The following FAT3 variants were observed in gnomAD, a reference collection of about 807,000 sequenced individuals.
FAT3 encodes the protein protocadherin Fat 3.
FAT3 carries 95 observed loss-of-function variants against 310.2 expected under a neutral mutation model. The observed-to-expected ratio is 0.31, with a 90% CI of 0.26 to 0.36. FAT3 has a LOEUF of 0.36. Ranked by LOEUF, FAT3 falls within the 10% of genes least tolerant of loss-of-function variation. FAT3 has a pLI of 1.00. For missense variants in FAT3, 5,408 were observed against 5,715.6 expected (o/e 0.95, Z 1.74); for synonymous variants, 2,314 against 2,192.9 (o/e 1.06, Z -1.54).
chr11:92,626,584 C>G (rs1426218528), intron 3 of FAT3, among the ~76,000 whole-genome samples: 7 of 151,762 alleles, frequency 4.6e-5, no homozygotes, highest in African/African-American at 1.2e-4. Flanking sequence ...TTTCGGGGGG[C>G]ACTTATTGTG....
chr11:92,805,038 A>G, intron 10 of FAT3, 115 bp from the exon 11 acceptor site: 1 of 971,560 alleles, frequency 1.0e-6, no homozygotes, highest in South Asian at 2.4e-5. Flanking sequence ...GTAGTATCCT[A>G]AATGATACAG....
chr11:92,304,145 C>T (rs1423197711), intron 1 of FAT3, among the ~76,000 whole-genome samples: 1 of 152,054 alleles, frequency 6.6e-6, no homozygotes, highest in Non-Finnish European at 1.5e-5. Flanking sequence ...AGGAGTGTGC[C>T]TCAGTACACC....
chr11:92,641,264 A>C (rs1251389093), intron 3 of FAT3, among the ~76,000 whole-genome samples: 2 of 152,242 alleles, frequency 1.3e-5, no homozygotes, highest in Admixed American at 6.5e-5. Context: ...CTCCCCAGAT[A>C]CATAATATGT....
chr11:92,632,251 G>A (rs1165128448), intron 3 of FAT3, among the ~76,000 whole-genome samples: 1 of 152,174 alleles, frequency 6.6e-6, no homozygotes, highest in African/African-American at 2.4e-5. Flanking sequence ...ATGAGGACTA[G>A]GCACAGTATG....
intron 1 of FAT3, among the ~76,000 whole-genome samples, chr11:92,236,020 A>G (rs558994616): frequency 6.6e-6 from 1 of 152,374 alleles, no homozygotes; most frequent in East Asian, 1.9e-4. Context: ...TTGTGTCTCA[A>G]GAAAGCATAG....
In FAT3 at chr11:92,857,346, C is replaced by G; in HGVS notation, c.11498C>G (p.Ser3833Ter). Residue 3833 changes from serine (S) to a stop codon, truncating the protein, a stop_gained and splice_region_variant, in exon 20 of 28, where the codon TCA (serine) becomes TGA (stop). Coordinates refer to ENST00000525166, the MANE Select transcript of FAT3 (RefSeq NM_001367949.2). LOFTEE classifies it high-confidence loss of function. ...CCACCAGGGAAGCTCGGAGAGTGCT[C>G]AGGTGCAGAGTGGAGTGGAATGATG... ...QCPPGKLGEC[S>*]GHTSLSFAGN... 6.2e-7 allele frequency: 1 copy of G among 1,613,948 alleles called. No homozygotes were observed. The highest frequency in any genetic ancestry group is 2.2e-5 in the East Asian group (1 of 44,874).
chr11:92,584,895 G>A (rs1038732384), intron 3 of FAT3, among the ~76,000 whole-genome samples: 1 of 152,006 alleles, frequency 6.6e-6, no homozygotes, highest in Non-Finnish European at 1.5e-5. Flanking sequence ...CTGGAGGGCA[G>A]TATTTTGCCT....
chr11:92,474,639 C>T (rs967595212), intron 2 of FAT3, among the ~76,000 whole-genome samples: 1 of 152,112 alleles, frequency 6.6e-6, no homozygotes. Flanking sequence ...TCCAGGAGCT[C>T]AGAGCCTGGG....
In FAT3 at chr11:92,305,180, T is replaced by G. The variant is rs2134436502; in HGVS notation, c.-17-46916T>G. ...CAGCAGAAGGTTGAAAGGGAAGACC[T>G]TGGAGTTTTCACATTCTCAAAAAAT... On this transcript the variant is annotated intron_variant, in intron 1 of 27. Transcript: ENST00000525166. 1.3e-5 allele frequency among the ~76,000 whole-genome samples: 2 copies of G among 152,208 alleles called. 1 individual carries two copies. The highest frequency in any genetic ancestry group is 4.1e-4 in the South Asian group (2 of 4,828).
chr11:92,857,360 A>G lies in FAT3; in HGVS notation c.11500+12A>G, dbSNP rs777408290. The G allele has an allele frequency of 6.2e-7, 1 of 1,613,862 alleles. No homozygotes were observed. Among genetic ancestry groups the G allele is most frequent in the Non-Finnish European group, 8.5e-7 (1 of 1,179,846 alleles). On this transcript the variant is annotated intron_variant, in intron 20 of 27. Transcript: ENST00000525166. ...CGGAGAGTGCTCAGGTGCAGAGTGG[A>G]GTGGAATGATGCAGATCTAATTTCA...
intron 13 of FAT3, among the ~76,000 whole-genome samples, chr11:92,810,655 TG>T (rs1199351039): frequency 2.0e-5 from 3 of 151,926 alleles, no homozygotes; most frequent in Admixed American, 2.0e-4. Context: ...AGAGTGGGGG[TG>T]GGGGAGATAA....
In FAT3 at chr11:92,435,822, C is replaced by T. The variant is rs566137110; in HGVS notation, c.3292+80418C>T. On this transcript the variant is annotated intron_variant, in intron 2 of 27. Transcript: ENST00000525166. ...CCTCAGGTGATCCACCTGCCTCGGCCTCCCAAAGTGCTGGGATTTCAGGTG... is the reference window on the plus strand; with the variant it reads ...CCTCAGGTGATCCACCTGCCTCGGCTTCCCAAAGTGCTGGGATTTCAGGTG... Among the ~76,000 whole-genome samples the T allele has an allele frequency of 1.8e-4, 28 of 152,186 alleles. No individual in the cohort carries two copies. The Middle Eastern group carries it at 0.014, about 74-fold the overall frequency.
At position 92,844,434 on chromosome 11, in the gene FAT3, C is replaced by A; in HGVS notation, c.11067C>A (p.Ser3689Arg). The A allele has an allele frequency of 6.2e-7, 1 of 1,614,002 alleles. No individual in the cohort carries two copies. Among genetic ancestry groups the A allele is most frequent in the Non-Finnish European group, 8.5e-7 (1 of 1,179,894 alleles). The change falls in exon 19 of 28, where the codon AGC (serine) becomes AGA (arginine). Residue 3689 changes from serine to arginine, a missense_variant. Coordinates refer to ENST00000525166, the MANE Select transcript of FAT3 (RefSeq NM_001367949.2). ...TQKQDSLRIISIQPVAGTNQL... is the reference protein window; with the variant it reads ...TQKQDSLRIIRIQPVAGTNQL... ...AGCAGGACAGCCTGCGCATCATCAG[C>A]ATCCAGCCCGTGGCAGGCACCAACC...
At chr11:92,794,795 A>T (rs1045804724) in intron 9 of FAT3, among the ~76,000 whole-genome samples, 12 of 152,332 alleles carry the variant, frequency 7.9e-5, no homozygotes, top group African/African-American at 2.6e-4. Flanking sequence ...TACAATGTTC[A>T]CAATAAATCT....
intron 17 of FAT3, among the ~76,000 whole-genome samples, chr11:92,839,649 C>G (rs1948488589): frequency 6.6e-6 from 1 of 152,188 alleles, no homozygotes; most frequent in Admixed American, 6.5e-5. Context: ...GTCTCCATCT[C>G]TGCAACCCAA....
intron 3 of FAT3, among the ~76,000 whole-genome samples, chr11:92,637,686 G>A (rs1174341597): frequency 6.6e-6 from 1 of 152,132 alleles, no homozygotes; most frequent in African/African-American, 2.4e-5. Flanking sequence ...GTGTGCCTCT[G>A]TGTGGTTATG....
chr11:92,235,426 T>G (rs1275833417), intron 1 of FAT3, among the ~76,000 whole-genome samples: 1 of 152,232 alleles, frequency 6.6e-6, no homozygotes, highest in Non-Finnish European at 1.5e-5. Flanking sequence ...ACTGTTCACA[T>G]GCCTTGTAAT....
intron 3 of FAT3, among the ~76,000 whole-genome samples, chr11:92,688,747 C>T (rs1158538009): frequency 6.6e-6 from 1 of 152,154 alleles, no homozygotes; most frequent in Non-Finnish European, 1.5e-5. Context: ...TCCCAAGTAG[C>T]ACTCATGATG....
intron 13 of FAT3, among the ~76,000 whole-genome samples, chr11:92,815,751 G>A (rs1312530008): frequency 6.6e-6 from 1 of 152,144 alleles, no homozygotes; most frequent in Non-Finnish European, 1.5e-5. Flanking sequence ...AGCATAGACG[G>A]TCAACAGTAC....
Sources: gnomAD v4.1 joint callset for allele counts (sites outside exome capture counted in the v4.1 genomes callset) on GRCh38, gnomAD v4.1.1 for gene constraint, MANE v1.5 for transcripts, NCBI Gene and HGNC (gene_info 2026-07-23, HGNC 2026-07-21) for gene names.